MECOM: variants seen among roughly 807,000 people sequenced by gnomAD.
MECOM encodes histone-lysine N-methyltransferase MECOM.
Under a neutral mutation model 116.3 loss-of-function variants are expected in MECOM, and 13 were observed. The ratio of observed to expected loss-of-function variants is 0.11; its 90% CI spans 0.07 to 0.18. MECOM has a LOEUF of 0.18. MECOM is among the 10% of genes least tolerant of loss of function. The probability of loss-of-function intolerance (pLI) is 1.00; values close to 1 mark genes in which losing one functional copy is unlikely to be tolerated. For synonymous variants in MECOM, 528 were observed against 535.2 expected, an observed-to-expected ratio of 0.99 and a Z score of 0.19; for missense variants, 1,299 against 1,509.0, an observed-to-expected ratio of 0.86 and a Z score of 2.31.
intron 2 of MECOM, among the ~76,000 whole-genome samples, chr3:169,186,414 GAGGGAGGA>G (rs1559967029): frequency 2.8e-5 from 3 of 106,194 alleles, no homozygotes; most frequent in Non-Finnish European, 3.8e-5. Context: ...GGGAGGGAGG[GAGGGAGGA>G]AACTAATTTG....
chr3:169,453,298 G>A (rs936897116), intron 1 of MECOM, among the ~76,000 whole-genome samples: 7 of 152,136 alleles, frequency 4.6e-5, no homozygotes, highest in African/African-American at 1.7e-4. Flanking sequence ...CTGACAAATG[G>A]CCTATTAATT....
intron 2 of MECOM, among the ~76,000 whole-genome samples, chr3:169,251,644 T>C (rs542910254): frequency 6.6e-6 from 1 of 152,276 alleles, no homozygotes; most frequent in South Asian, 2.1e-4. Context: ...TATGTAACCC[T>C]GTAGGACATA....
intron 1 of MECOM, among the ~76,000 whole-genome samples, chr3:169,594,241 G>A (rs1766853725): frequency 6.7e-6 from 1 of 149,098 alleles, no homozygotes; most frequent in South Asian, 2.1e-4. Context: ...AAAACTAGCT[G>A]ACCCTTTGCT....
rs572588661 is a variant in MECOM at position 169,546,912 on chromosome 3, T to G, written c.37+116424A>C. Reference sequence around the variant, plus strand: ...GCTGTTGAAAGAACATGAATTCAACTATATTAATTATGACATATAGTCACA... The same window carrying G: ...GCTGTTGAAAGAACATGAATTCAACGATATTAATTATGACATATAGTCACA... On this transcript the variant is annotated intron_variant, in intron 1 of 16. Coordinates refer to ENST00000651503, the MANE Select transcript of MECOM (RefSeq NM_004991.4). Among the ~76,000 whole-genome samples, 8 of 152,328 alleles carry G rather than the reference T, an allele frequency of 5.3e-5. No individual in the cohort carries two copies. The East Asian group carries it at 1.5e-3, about 29-fold the overall frequency.
At chr3:169,109,808 T>C (rs1726743521) in intron 9 of MECOM, among the ~76,000 whole-genome samples, 1 of 152,206 alleles carries the variant, frequency 6.6e-6, no homozygotes, top group Non-Finnish European at 1.5e-5. Context: ...ATTCAATATA[T>C]TTTTATTTAC....
chr3:169,375,306 C>G (rs988677740), intron 2 of MECOM, among the ~76,000 whole-genome samples: 1 of 151,474 alleles, frequency 6.6e-6, no homozygotes, highest in Non-Finnish European at 1.5e-5. Context: ...TAGCAGAAGA[C>G]AAGAAATAAT....
At chr3:169,602,006 A>G (rs1370801182) in intron 1 of MECOM, among the ~76,000 whole-genome samples, 1 of 152,134 alleles carries the variant, frequency 6.6e-6, no homozygotes, top group African/African-American at 2.4e-5. Context: ...ATCCCCCTTC[A>G]AGAAGAGGAA....
At chr3:169,415,381 A>G (rs1308589529) in intron 1 of MECOM, among the ~76,000 whole-genome samples, 1 of 152,226 alleles carries the variant, frequency 6.6e-6, no homozygotes, top group Non-Finnish European at 1.5e-5. Context: ...CTCCTGAAGG[A>G]AGCACTAAAT....
intron 1 of MECOM, among the ~76,000 whole-genome samples, chr3:169,594,773 A>G (rs1766932366): frequency 6.6e-6 from 1 of 151,218 alleles, no homozygotes; most frequent in Non-Finnish European, 1.5e-5. Context: ...CTGAATATCA[A>G]TTGATAAGCT....
chr3:169,175,160 G>A (rs563808695), intron 2 of MECOM, among the ~76,000 whole-genome samples: 26 of 152,134 alleles, frequency 1.7e-4, no homozygotes, highest in Middle Eastern at 3.4e-3. Flanking sequence ...ACAAAAGCCC[G>A]CACTTACAAC....
intron 1 of MECOM, among the ~76,000 whole-genome samples, chr3:169,419,176 A>G (rs1260862387): frequency 6.6e-6 from 1 of 152,190 alleles, no homozygotes; most frequent in Non-Finnish European, 1.5e-5. Context: ...ACGTAGAAAT[A>G]CAAATCCCAA....
At chr3:169,517,257 G>C (rs1240211754) in intron 1 of MECOM, among the ~76,000 whole-genome samples, 2 of 152,182 alleles carry the variant, frequency 1.3e-5, no homozygotes, top group African/African-American at 2.4e-5. Context: ...GGCATGGGGA[G>C]GGAATGGAGC....
At chr3:169,169,936 AG>A (rs1744160994) in intron 2 of MECOM, among the ~76,000 whole-genome samples, 1 of 152,006 alleles carries the variant, frequency 6.6e-6, no homozygotes, top group Non-Finnish European at 1.5e-5. Flanking sequence ...GTAATATTTT[AG>A]GAAAATTATA....
chr3:169,416,201 A>T (rs1738561265), intron 1 of MECOM, among the ~76,000 whole-genome samples: 1 of 152,224 alleles, frequency 6.6e-6, no homozygotes, highest in Non-Finnish European at 1.5e-5. Flanking sequence ...CAATCAAATT[A>T]GAACTCAGGA....
chr3:169,359,544 A>T (rs1727848941), intron 2 of MECOM, among the ~76,000 whole-genome samples: 1 of 151,742 alleles, frequency 6.6e-6, no homozygotes, highest in African/African-American at 2.4e-5. Flanking sequence ...TTTGAATCCT[A>T]ACAACTCATG....
intron 2 of MECOM, among the ~76,000 whole-genome samples, chr3:169,144,448 AC>A (rs1236964226): frequency 6.6e-6 from 1 of 152,202 alleles, no homozygotes; most frequent in Non-Finnish European, 1.5e-5. Context: ...ACACATGTCA[AC>A]GCATGTTTCA....
At chr3:169,538,782 G>C (rs958177701) in intron 1 of MECOM, among the ~76,000 whole-genome samples, 1 of 152,154 alleles carries the variant, frequency 6.6e-6, no homozygotes, top group Admixed American at 6.5e-5. Flanking sequence ...TGAGTGCAGT[G>C]ACATTAATCA....
intron 1 of MECOM, among the ~76,000 whole-genome samples, chr3:169,485,951 ATGTACATATATAC>A (rs1752201785): frequency 2.0e-5 from 2 of 101,424 alleles, no homozygotes; most frequent in Non-Finnish European, 3.8e-5. Flanking sequence ...GTATGTATAT[ATGTACATATATAC>A]TATATATACA....
intron 1 of MECOM, among the ~76,000 whole-genome samples, chr3:169,583,891 C>T (rs1012464693): frequency 6.6e-6 from 1 of 152,010 alleles, no homozygotes; most frequent in African/African-American, 2.4e-5. Flanking sequence ...AGGCATAAGC[C>T]ACCGTGTCCA....
Sources: gnomAD v4.1 joint callset for allele counts (sites outside exome capture counted in the v4.1 genomes callset) on GRCh38, gnomAD v4.1.1 for gene constraint, MANE v1.5 for transcripts, NCBI Gene and HGNC (gene_info 2026-07-23, HGNC 2026-07-21) for gene names.